The following WDR64 variants were observed in gnomAD, a reference collection of about 807,000 sequenced individuals.
WDR64 encodes the protein WD repeat-containing protein 64.
WDR64 carries 112 observed loss-of-function variants against 139.3 expected under a neutral mutation model. The observed-to-expected ratio is 0.80, with a 90% CI of 0.69 to 0.94. The LOEUF (loss-of-function observed/expected upper bound fraction) is 0.94, where lower values mean the gene tolerates loss of function less well. Ranked by LOEUF, WDR64 falls within the 40% of genes least tolerant of loss-of-function variation. The pLI is 0.00. For synonymous variants in WDR64, 444 were observed against 437.7 expected (o/e 1.01, Z -0.18); for missense variants, 1,206 against 1,293.1 (o/e 0.93, Z 1.03).
chr1:241,787,652 C>CAA (rs1359387597), intron 23 of WDR64, among the ~76,000 whole-genome samples, 197 bp from the exon 24 acceptor site: 4 of 105,982 alleles, frequency 3.8e-5, no homozygotes, highest in African/African-American at 1.6e-4. Flanking sequence ...GCAACAAGAG[C>CAA]AAAACTCCAT....
intron 8 of WDR64, among the ~76,000 whole-genome samples, chr1:241,701,339 TTGTTTATA>T (rs1376810922): frequency 6.6e-6 from 1 of 152,196 alleles, no homozygotes; most frequent in Non-Finnish European, 1.5e-5. Context: ...CAATTTTTTG[TTGTTTATA>T]TGTTTTTTTC....
At chr1:241,723,199 C>G in intron 9 of WDR64, 98 bp from the exon 10 acceptor site, 1 of 1,440,230 alleles carries the variant, frequency 6.9e-7, no homozygotes, top group Non-Finnish European at 9.5e-7. Context: ...CTGTGATTTG[C>G]TGTTCGAAGA....
At position 241,784,953 on chromosome 1, in the gene WDR64, G is replaced by GAAAAAAAAAAAAAAAAA. The variant is rs58720618; in HGVS notation, c.2705+1579_2705+1595dup. The stretch of plus-strand genomic sequence containing the variant: ...TGGGCGACAGAGTGAGACTCTGTCT[G>GAAAAAAAAAAAAAAAAA]AAAAAAAAAAAAAAAAAAAAAAAGA... On this transcript the variant is annotated intron_variant, in intron 23 of 27. Transcript: ENST00000437684. Among the ~76,000 whole-genome samples the GAAAAAAAAAAAAAAAAA allele has an allele frequency of 4.5e-3, 278 of 62,138 alleles. 5 individuals are homozygous for GAAAAAAAAAAAAAAAAA. Among genetic ancestry groups the GAAAAAAAAAAAAAAAAA allele is most frequent in the Middle Eastern group, 0.013 (1 of 76 alleles). 40.8% of individuals were successfully genotyped at this position (62,138 alleles called of 152,430 possible).
chr1:241,704,163 G>T (rs1667846533), intron 8 of WDR64, among the ~76,000 whole-genome samples: 1 of 152,136 alleles, frequency 6.6e-6, no homozygotes, highest in African/African-American at 2.4e-5. Context: ...GTTTACAGGT[G>T]GGGCTCACTA....
chr1:241,747,007 C>A (rs1014151780), intron 13 of WDR64, among the ~76,000 whole-genome samples: 1 of 152,128 alleles, frequency 6.6e-6, no homozygotes, highest in Non-Finnish European at 1.5e-5. Context: ...ATGATCTGCC[C>A]GCTTTGGCAT....
chr1:241,735,686 C>T (rs1418661790), intron 10 of WDR64, among the ~76,000 whole-genome samples: 1 of 151,890 alleles, frequency 6.6e-6, no homozygotes, highest in African/African-American at 2.4e-5. Flanking sequence ...AGGCGTGCAC[C>T]ATCATGCTCG....
At chr1:241,767,338 G>GT (rs1553378923) in intron 16 of WDR64, among the ~76,000 whole-genome samples, 8,599 of 136,800 alleles carry the variant, frequency 0.063, 440 homozygotes, top group East Asian at 0.27. Flanking sequence ...ACTTCTCAAT[G>GT]TTTTTTTTTT....
At chr1:241,782,561 C>A (rs1259774703) in intron 22 of WDR64, among the ~76,000 whole-genome samples, 2 of 152,136 alleles carry the variant, frequency 1.3e-5, no homozygotes, top group African/African-American at 4.8e-5. Context: ...GAGTGCAGAG[C>A]AAGCTCTCCA....
chr1:241,782,882 T>A (rs1282433760), intron 22 of WDR64, among the ~76,000 whole-genome samples: 1 of 152,208 alleles, frequency 6.6e-6, no homozygotes, highest in Non-Finnish European at 1.5e-5. Context: ...CCCTTTAGCT[T>A]TTACCTTCCA....
At chr1:241,696,972 A>T (rs376626876) in intron 8 of WDR64, among the ~76,000 whole-genome samples, 1 of 152,010 alleles carries the variant, frequency 6.6e-6, no homozygotes, top group African/African-American at 2.4e-5. Flanking sequence ...TGATCTCTTC[A>T]TTATCTCAAA....
intron 14 of WDR64, among the ~76,000 whole-genome samples, chr1:241,756,067 A>C (rs1198562386): frequency 6.6e-6 from 1 of 152,130 alleles, no homozygotes; most frequent in African/African-American, 2.4e-5. Context: ...TTCCATATGA[A>C]ATTTAAAGTA....
intron 2 of WDR64, among the ~76,000 whole-genome samples, chr1:241,661,763 C>T (rs1438840794): frequency 6.6e-6 from 1 of 152,136 alleles, no homozygotes; most frequent in African/African-American, 2.4e-5. Context: ...TTTAACAAGT[C>T]AGGGGAGAAA....
Position 241,770,771 on chromosome 1 carries a change from C to G in WDR64, c.2253+81C>G, listed in dbSNP as rs898165623. The G allele has an allele frequency of 2.3e-6, 3 of 1,292,008 alleles. No individual in the cohort carries two copies. The African/African-American group carries it at 4.5e-5, about 19-fold the overall frequency. The allele number at this position is 1,292,008 out of a possible 1,614,324, so 80.0% of individuals were successfully genotyped here. A position where few individuals can be genotyped will look rare whatever the true frequency, so the allele number is the denominator to read the frequency against. On this transcript the variant is annotated intron_variant, in intron 18 of 27. Transcript: ENST00000437684. ...AATAGTGCTATTGAGCACATTTGAGCCCCTCCTTTGATAGAAGGTAACAGT... is the reference window on the plus strand; with the variant it reads ...AATAGTGCTATTGAGCACATTTGAGGCCCTCCTTTGATAGAAGGTAACAGT...
intron 9 of WDR64, among the ~76,000 whole-genome samples, chr1:241,721,444 T>C (rs1185305756): frequency 6.6e-6 from 1 of 152,180 alleles, no homozygotes; most frequent in East Asian, 1.9e-4. Flanking sequence ...ATACAGCCTT[T>C]TTGTCTAGTA....
rs1237771842 is a variant in WDR64 at position 241,735,533 on chromosome 1, C to CCCTTTTTTTTTTTT, written c.1195-2830_1195-2829insCCTTTTTTTTTTTT. ...GTTCTCTGTCTCTCTCTCTCTCTCT[C>CCCTTTTTTTTTTTT]TTTTTTTTTTTTTTTTTTTGATACG... On this transcript the variant is annotated intron_variant, in intron 10 of 27. Transcript: ENST00000437684. Among the ~76,000 whole-genome samples the CCCTTTTTTTTTTTT allele has an allele frequency of 5.8e-3, 602 of 103,416 alleles. 34 individuals carry two copies. The highest frequency in any genetic ancestry group is 0.033 in the East Asian group (112 of 3,428). The allele number at this position is 103,416 out of a possible 152,430, so 67.8% of individuals were successfully genotyped here.
At chr1:241,731,395 G>GTAATTACATAACATT (rs1669073347) in intron 10 of WDR64, among the ~76,000 whole-genome samples, 2 of 151,882 alleles carry the variant, frequency 1.3e-5, no homozygotes, top group South Asian at 4.1e-4. Flanking sequence ...TCCTAACATA[G>GTAATTACATAACATT]ATGTAAGCTC....
At chr1:241,756,639 C>T (rs993863881) in intron 14 of WDR64, among the ~76,000 whole-genome samples, 1 of 152,182 alleles carries the variant, frequency 6.6e-6, no homozygotes. Flanking sequence ...AAGGGAAACT[C>T]TCCTCTACTC....
At chr1:241,779,452 G>C (rs1658770952) in intron 21 of WDR64, among the ~76,000 whole-genome samples, 1 of 152,124 alleles carries the variant, frequency 6.6e-6, no homozygotes, top group Admixed American at 6.6e-5. Flanking sequence ...CCACTACCCT[G>C]ATCTCTAAAA....
At chr1:241,699,718 T>A (rs758680023) in intron 8 of WDR64, among the ~76,000 whole-genome samples, 1 of 152,140 alleles carries the variant, frequency 6.6e-6, no homozygotes, top group Non-Finnish European at 1.5e-5. Context: ...GAAGTGGTAT[T>A]CACAAAGATA....
Sources: gnomAD v4.1 joint callset for allele counts (sites outside exome capture counted in the v4.1 genomes callset) on GRCh38, gnomAD v4.1.1 for gene constraint, MANE v1.5 for transcripts, NCBI Gene and HGNC (gene_info 2026-07-23, HGNC 2026-07-21) for gene names.